Variants in EPAS1 observed in about 807,000 individuals in gnomAD.
The protein encoded by EPAS1 is endothelial PAS domain-containing protein 1.
Under a neutral mutation model 87.9 loss-of-function variants are expected in EPAS1, and 23 were observed. The observed-to-expected ratio is 0.26, with a 90% CI of 0.19 to 0.37. The LOEUF (loss-of-function observed/expected upper bound fraction) is 0.37. EPAS1 is among the 10% of genes least tolerant of loss of function. EPAS1 has a pLI of 1.00. For missense variants in EPAS1, 1,138 were observed against 1,120.7 expected (o/e 1.02, Z -0.22); for synonymous variants, 508 against 444.3 (o/e 1.14, Z -1.80).
chr2:46,307,787 G>T (rs760201434), intron 1 of EPAS1, among the ~76,000 whole-genome samples: 5 of 152,178 alleles, frequency 3.3e-5, no homozygotes, highest in Non-Finnish European at 2.9e-5. Flanking sequence ...CCCAGAAGAG[G>T]TCCACATGGT....
In EPAS1 at chr2:46,361,015, T is replaced by C. The variant is rs924437921; in HGVS notation, c.704T>C (p.Met235Thr). ...MCEPIQHPSH[M>T]DIPLDSKTFL... Reference sequence around the variant, plus strand: ...GAACCAATCCAGCACCCATCCCACATGGACATCCCCCTGGATAGCAAGACC... The same window carrying C: ...GAACCAATCCAGCACCCATCCCACACGGACATCCCCCTGGATAGCAAGACC... Residue 235 changes from methionine to threonine, a missense_variant, in exon 6 of 16, where the codon ATG becomes ACG. Physicochemically the swap from Met to Thr is moderately conservative, Grantham distance 81. Around this residue, in one of 4 missense-constraint regions of EPAS1, gnomAD observed 351 missense variants for 417.1 expected, o/e 0.84. Transcript: ENST00000263734. 8 of 1,614,002 alleles carry C rather than the reference T, an allele frequency of 5.0e-6. No individual in the cohort carries two copies. Among genetic ancestry groups the C allele is most frequent in the Non-Finnish European group, 5.1e-6 (6 of 1,180,012 alleles).
intron 1 of EPAS1, among the ~76,000 whole-genome samples, chr2:46,344,127 T>C (rs1683968521): frequency 6.6e-6 from 1 of 152,238 alleles, no homozygotes; most frequent in Admixed American, 6.5e-5. Context: ...ACCTACTTTA[T>C]TTTGTTGTTA....
chr2:46,342,362 C>T (rs1448545420), intron 1 of EPAS1, among the ~76,000 whole-genome samples: 1 of 152,204 alleles, frequency 6.6e-6, no homozygotes, highest in East Asian at 1.9e-4. Flanking sequence ...ACCTTTATTT[C>T]CTCCATTCTC....
At chr2:46,369,778 A>G (rs905869709) in intron 6 of EPAS1, 49 bp from the exon 7 acceptor site, 25 of 1,408,160 alleles carry the variant, frequency 1.8e-5, no homozygotes, top group Non-Finnish European at 2.2e-5. Flanking sequence ...ATGCTGTGCT[A>G]AGTTAATATG....
chr2:46,351,048 C>T (rs1041494475), intron 2 of EPAS1, among the ~76,000 whole-genome samples: 1 of 152,170 alleles, frequency 6.6e-6, no homozygotes, highest in Admixed American at 6.5e-5. Context: ...TCTCACACCC[C>T]ACTTTCAGAC....
rs115556990 is a variant in EPAS1, at chr2:46,383,063, C to T, written c.2461+465C>T. Among the ~76,000 whole-genome samples, 467 of 152,284 alleles carry T rather than the reference C, an allele frequency of 3.1e-3. 1 individual carries two copies. Among genetic ancestry groups the T allele is most frequent in the African/African-American group, 0.011 (438 of 41,558 alleles). ...GTCTGGGCAGAGGCAGGGGATCTCC[C>T]GTCTATGCAAGGATGAGCTTGCTGC... On this transcript the variant is annotated intron_variant, in intron 15 of 15. Transcript: ENST00000263734.
chr2:46,321,720 G>A (rs1002384323), intron 1 of EPAS1, among the ~76,000 whole-genome samples: 3 of 151,586 alleles, frequency 2.0e-5, no homozygotes, highest in African/African-American at 7.3e-5. Context: ...GCCTGTGTGG[G>A]AATGGAAATC....
chr2:46,384,627 G>T lies in EPAS1; in HGVS notation c.2580G>T (p.Gly860=). 6.2e-7 allele frequency: 1 copy of T among 1,614,062 alleles called. No individual in the cohort carries two copies. Among genetic ancestry groups the T allele is most frequent in the Non-Finnish European group, 8.5e-7 (1 of 1,180,032 alleles). Residue 860 remains glycine, a synonymous_variant, in exon 16 of 16, where the codon GGG becomes GGT. Transcript: ENST00000263734. ...VLGSSTLLQG[G]DLLRALDQAT ...GAAGCTCCACGCTCCTGCAAGGAGGGGACCTCCTCAGAGCCCTGGACCAGG... is the reference window on the plus strand; with the variant it reads ...GAAGCTCCACGCTCCTGCAAGGAGGTGACCTCCTCAGAGCCCTGGACCAGG...
At chr2:46,299,157 C>G (rs549522808) in intron 1 of EPAS1, among the ~76,000 whole-genome samples, 1 of 152,254 alleles carries the variant, frequency 6.6e-6, no homozygotes, top group South Asian at 2.1e-4. Flanking sequence ...CCAACTTCCA[C>G]TACGGGACTG....
At chr2:46,331,720 C>T (rs1683677855) in intron 1 of EPAS1, among the ~76,000 whole-genome samples, 2 of 152,182 alleles carry the variant, frequency 1.3e-5, no homozygotes, top group South Asian at 2.1e-4. Context: ...TTTCTACCAA[C>T]CGGCACCGAA....
chr2:46,322,696 G>A lies in EPAS1; in HGVS notation c.27-24177G>A, dbSNP rs182313721. 9.2e-4 allele frequency among the ~76,000 whole-genome samples: 140 copies of A among 152,322 alleles called. 1 individual carries two copies. Among genetic ancestry groups the A allele is most frequent in the African/African-American group, 3.2e-3 (132 of 41,570 alleles). Reference sequence around the variant, plus strand: ...TAGAGAGGCCAAATGACTTGCCTCAGTTCTTGCACACAGAGCCAGAGCCCA... The same window carrying A: ...TAGAGAGGCCAAATGACTTGCCTCAATTCTTGCACACAGAGCCAGAGCCCA... On this transcript the variant is annotated intron_variant, in intron 1 of 15. Transcript: ENST00000263734.
At position 46,369,423 on chromosome 2, in the gene EPAS1, G is replaced by A. The variant is rs942090800; in HGVS notation, c.780-404G>A. The stretch of plus-strand genomic sequence containing the variant: ...AGGCCCCAGTTTTCATTCTTGCTCT[G>A]TCCCTGGACACCTGTGTAGGCATCG... On this transcript the variant is annotated intron_variant, in intron 6 of 15. Coordinates refer to ENST00000263734, the MANE Select transcript of EPAS1 (RefSeq NM_001430.5). 4.6e-5 allele frequency among the ~76,000 whole-genome samples: 7 copies of A among 152,290 alleles called. No individual in the cohort carries two copies. The South Asian group carries it at 1.5e-3, about 32-fold the overall frequency.
At chr2:46,354,937 A>G (rs1684241181) in intron 2 of EPAS1, among the ~76,000 whole-genome samples, 1 of 152,152 alleles carries the variant, frequency 6.6e-6, no homozygotes. Flanking sequence ...CGTCTGGTTC[A>G]GAAGGCCCTT....
chr2:46,361,176 A>T, intron 6 of EPAS1, 86 bp downstream of exon 6: 4 of 1,427,074 alleles, frequency 2.8e-6, no homozygotes, highest in Non-Finnish European at 3.9e-6. Flanking sequence ...AAAGGTGTGG[A>T]ACTGAACATA....
chr2:46,352,592 G>A (rs745564228), intron 2 of EPAS1, among the ~76,000 whole-genome samples: 35 of 152,176 alleles, frequency 2.3e-4, no homozygotes, highest in African/African-American at 8.0e-4. Context: ...GAGCCTCCAC[G>A]GTGAGGGGCT....
chr2:46,310,612 A>G (rs1262004384), intron 1 of EPAS1, among the ~76,000 whole-genome samples: 1 of 152,212 alleles, frequency 6.6e-6, no homozygotes, highest in Non-Finnish European at 1.5e-5. Context: ...TGGGTAGAGC[A>G]GCTGGGGATT....
rs781225718 is a variant in EPAS1 at position 46,313,393 on chromosome 2, C to T, written c.26+15456C>T. ...TTCTCACCTCCTTTAGTTAACCTCC[C>T]TCCTGTTCTGTTTTGTTTTGTTTTA... On this transcript the variant is annotated intron_variant, in intron 1 of 15. Coordinates refer to ENST00000263734, the MANE Select transcript of EPAS1 (RefSeq NM_001430.5). 7.9e-5 allele frequency among the ~76,000 whole-genome samples: 12 copies of T among 152,070 alleles called. 1 individual carries two copies. The highest frequency in any genetic ancestry group is 3.9e-4 in the Admixed American group (6 of 15,258).
intron 15 of EPAS1, among the ~76,000 whole-genome samples, chr2:46,383,547 G>C (rs1572651355): frequency 1.3e-5 from 2 of 152,218 alleles, no homozygotes; most frequent in African/African-American, 4.8e-5. Flanking sequence ...AGAAACACCA[G>C]ACAGCCCTGG....
chr2:46,373,620 A>T, intron 7 of EPAS1, among the ~76,000 whole-genome samples: 1 of 152,162 alleles, frequency 6.6e-6, no homozygotes, highest in Non-Finnish European at 1.5e-5. Context: ...GTTGCCTGGA[A>T]CCAGGGTGGG....
Sources: gnomAD v4.1 joint callset for allele counts (sites outside exome capture counted in the v4.1 genomes callset) on GRCh38, gnomAD v4.1.1 for gene constraint, gnomAD v4.1.1 regional missense constraint, MANE v1.5 for transcripts, NCBI Gene and HGNC (gene_info 2026-07-23, HGNC 2026-07-21) for gene names.